Variants in LUZP2 observed in about 807,000 individuals in gnomAD.
The protein encoded by LUZP2 is leucine zipper protein 2.
A neutral mutation model predicts 51.6 loss-of-function variants in LUZP2; 52 were observed. That is an observed-to-expected ratio of 1.01 (90% CI 0.81 to 1.27). The LOEUF (loss-of-function observed/expected upper bound fraction) is 1.27. LUZP2 is among the 50% of genes most tolerant of loss of function. The pLI is 0.00. For missense variants in LUZP2, 436 were observed against 395.4 expected, an observed-to-expected ratio of 1.10 and a Z score of -0.87; for synonymous variants, 154 against 137.3, an observed-to-expected ratio of 1.12 and a Z score of -0.85.
At chr11:24,720,195 C>T (rs1256256989) in intron 1 of LUZP2, among the ~76,000 whole-genome samples, 3 of 151,896 alleles carry the variant, frequency 2.0e-5, no homozygotes, top group African/African-American at 7.3e-5. Flanking sequence ...GAATTCTCCT[C>T]ATTCAGGGAA....
chr11:24,507,757 TGAG>T (rs1298831373), intron 1 of LUZP2, among the ~76,000 whole-genome samples: 1 of 152,022 alleles, frequency 6.6e-6, no homozygotes, highest in Admixed American at 6.6e-5. Flanking sequence ...ACTTTCAAAA[TGAG>T]GAGAAGTAAT....
intron 5 of LUZP2, among the ~76,000 whole-genome samples, chr11:24,842,936 A>G (rs182316357): frequency 6.6e-6 from 1 of 152,040 alleles, no homozygotes; most frequent in Admixed American, 6.6e-5. Flanking sequence ...AATTGTTGAA[A>G]CAGAAAGCAA....
At chr11:24,896,552 C>T (rs1853063503) in intron 5 of LUZP2, among the ~76,000 whole-genome samples, 1 of 152,168 alleles carries the variant, frequency 6.6e-6, no homozygotes, top group African/African-American at 2.4e-5. Flanking sequence ...GACCTGCAGC[C>T]TCCCATGCCC....
At chr11:24,767,008 C>T (rs1860216564) in intron 5 of LUZP2, among the ~76,000 whole-genome samples, 1 of 152,108 alleles carries the variant, frequency 6.6e-6, no homozygotes, top group South Asian at 2.1e-4. Flanking sequence ...GTGTGATCCA[C>T]CCACACCCAC....
At chr11:24,895,888 C>T (rs1029027232) in intron 5 of LUZP2, among the ~76,000 whole-genome samples, 1 of 152,150 alleles carries the variant, frequency 6.6e-6, no homozygotes, top group Non-Finnish European at 1.5e-5. Context: ...CGGTAGTTCC[C>T]TTTTAAGTTC....
intron 5 of LUZP2, among the ~76,000 whole-genome samples, chr11:24,793,729 G>C (rs930350267): frequency 7.9e-5 from 12 of 152,094 alleles, no homozygotes; most frequent in African/African-American, 2.9e-4. Flanking sequence ...TTGTCTGTAA[G>C]AGACTAGTAA....
At chr11:24,633,297 G>T (rs1262392447) in intron 1 of LUZP2, among the ~76,000 whole-genome samples, 1 of 151,850 alleles carries the variant, frequency 6.6e-6, no homozygotes, top group African/African-American at 2.4e-5. Context: ...AATAAAATGA[G>T]GATATATAGG....
intron 1 of LUZP2, among the ~76,000 whole-genome samples, chr11:24,511,618 G>A (rs1226334130): frequency 6.6e-6 from 1 of 152,074 alleles, no homozygotes; most frequent in Non-Finnish European, 1.5e-5. Context: ...ATCAGTAAAT[G>A]GTTAAACGTT....
intron 5 of LUZP2, among the ~76,000 whole-genome samples, chr11:24,857,265 T>A (rs998887941): frequency 2.2e-5 from 3 of 137,166 alleles, no homozygotes; most frequent in African/African-American, 5.4e-5. Context: ...AATATAAGAT[T>A]CATGGGGATA....
chr11:24,761,135 G>T (rs1042680499), intron 4 of LUZP2, among the ~76,000 whole-genome samples: 2 of 152,096 alleles, frequency 1.3e-5, no homozygotes, highest in Non-Finnish European at 1.5e-5. Context: ...CTGAGACTGG[G>T]TAATTTATAA....
intron 1 of LUZP2, among the ~76,000 whole-genome samples, chr11:24,513,559 A>G (rs11605900): frequency 0.093 from 14,205 of 152,244 alleles, 676 homozygotes; most frequent in African/African-American, 0.11. Flanking sequence ...TAGAAGGGTA[A>G]ATATTCTTTT....
intron 9 of LUZP2, among the ~76,000 whole-genome samples, chr11:25,010,500 A>T (rs1290997526): frequency 6.6e-6 from 1 of 152,088 alleles, no homozygotes; most frequent in Non-Finnish European, 1.5e-5. Flanking sequence ...GTGAGCCAAG[A>T]TCACACCAAT....
At chr11:24,789,610 C>A (rs1000012608) in intron 5 of LUZP2, among the ~76,000 whole-genome samples, 1 of 152,110 alleles carries the variant, frequency 6.6e-6, no homozygotes, top group Admixed American at 6.6e-5. Context: ...ATTCAGGCTG[C>A]CATAACAAAA....
At chr11:24,726,713 C>T (rs1207957727) in intron 1 of LUZP2, among the ~76,000 whole-genome samples, 1 of 151,834 alleles carries the variant, frequency 6.6e-6, no homozygotes, top group Non-Finnish European at 1.5e-5. Context: ...CAAGTACAAC[C>T]AAAATGGATA....
intron 5 of LUZP2, among the ~76,000 whole-genome samples, chr11:24,885,607 T>C (rs947623767): frequency 2.0e-5 from 3 of 152,178 alleles, no homozygotes; most frequent in Non-Finnish European, 4.4e-5. Context: ...CTAATTAGTT[T>C]ACTCAGTGTA....
At chr11:24,506,911 A>C (rs556172543) in intron 1 of LUZP2, among the ~76,000 whole-genome samples, 1 of 152,252 alleles carries the variant, frequency 6.6e-6, no homozygotes, top group Admixed American at 6.5e-5. Context: ...ACAGTGAAGA[A>C]AGTAATAATC....
intron 7 of LUZP2, among the ~76,000 whole-genome samples, chr11:24,953,869 A>G (rs1394855844): frequency 2.6e-5 from 4 of 152,078 alleles, no homozygotes; most frequent in Non-Finnish European, 5.9e-5. Flanking sequence ...TAGTGAGAGA[A>G]TGAGATATTA....
At position 24,895,299 on chromosome 11, in the gene LUZP2, T is replaced by C. The variant is rs147651430; in HGVS notation, c.397-10692T>C. On this transcript the variant is annotated intron_variant, in intron 5 of 11. Transcript: ENST00000336930. Reference sequence around the variant, plus strand: ...AGAGGAAGAACAAGAGGATAAAAACTTAAGGAATGAGTATATATATATAAA... The same window carrying C: ...AGAGGAAGAACAAGAGGATAAAAACCTAAGGAATGAGTATATATATATAAA... Among the ~76,000 whole-genome samples, 759 of 152,086 alleles carry C rather than the reference T, an allele frequency of 5.0e-3. 5 individuals carry two copies. Among genetic ancestry groups the C allele is most frequent in the African/African-American group, 0.018 (728 of 41,482 alleles).
rs78001478 is a variant in LUZP2 at position 24,700,958 on chromosome 11, G to A, written c.63-28211G>A. ...AGCTCTTCAACTTGGTGTGAGTAAA[G>A]CAAGAGTTAGGTTTGTGGGGAAAAA... On this transcript the variant is annotated intron_variant, in intron 1 of 11. Coordinates refer to ENST00000336930, the MANE Select transcript of LUZP2 (RefSeq NM_001009909.4). 2.8e-3 allele frequency among the ~76,000 whole-genome samples: 423 copies of A among 152,218 alleles called. 15 individuals are homozygous for A. The East Asian group carries it at 0.069, about 25-fold the overall frequency.
Sources: gnomAD v4.1 joint callset for allele counts (sites outside exome capture counted in the v4.1 genomes callset) on GRCh38, gnomAD v4.1.1 for gene constraint, MANE v1.5 for transcripts, NCBI Gene and HGNC (gene_info 2026-07-23, HGNC 2026-07-21) for gene names.